The following LRP3 variants were observed in gnomAD, a reference collection of about 807,000 sequenced individuals.
LRP3 encodes low-density lipoprotein receptor-related protein 3.
LRP3 carries 49 observed loss-of-function variants against 58.5 expected under a neutral mutation model. The ratio of observed to expected loss-of-function variants is 0.84; its 90% CI spans 0.67 to 1.06. The LOEUF (loss-of-function observed/expected upper bound fraction) is 1.06, where lower values mean the gene tolerates loss of function less well. LRP3 is among the 50% of genes least tolerant of loss of function. LRP3 has a pLI of 0.00. For missense variants in LRP3, 1,019 were observed against 1,134.2 expected (o/e 0.90, Z 1.46); for synonymous variants, 485 against 492.2 (o/e 0.99, Z 0.20).
intron 1 of LRP3, among the ~76,000 whole-genome samples, chr19:33,195,424 C>T (rs1290169113): frequency 6.6e-6 from 1 of 152,184 alleles, no homozygotes; most frequent in Admixed American, 6.5e-5. Flanking sequence ...CGGTCAAGGC[C>T]AGGCATGGGG....
Position 33,202,898 on chromosome 19 carries a change from T to A in LRP3, c.172T>A (p.Tyr58Asn). The A allele has an allele frequency of 6.2e-7, 1 of 1,611,614 alleles. No individual in the cohort carries two copies. Among genetic ancestry groups the A allele is most frequent in the Non-Finnish European group, 8.5e-7 (1 of 1,179,094 alleles). The part of the protein sequence containing the change: ...EQHTERRGVI[Y>N]SPAWPLNYPP... ...GCACACGGAGCGGCGTGGGGTCATCTACAGCCCGGCCTGGCCCCTCAACTA... is the reference window on the plus strand; with the variant it reads ...GCACACGGAGCGGCGTGGGGTCATCAACAGCCCGGCCTGGCCCCTCAACTA... The change falls in exon 3 of 7, where the codon TAC becomes AAC. Residue 58 changes from tyrosine to asparagine, a missense_variant. Tyr to Asn is a moderately radical substitution (Grantham distance 143, BLOSUM62 -2). Around this residue, in one of 2 missense-constraint regions of LRP3, gnomAD observed 592 missense variants for 725.5 expected, o/e 0.82. Coordinates refer to ENST00000253193, the MANE Select transcript of LRP3 (RefSeq NM_002333.4).
rs1290082614 is a variant in LRP3, at chr19:33,208,000, C to T, written c.*425C>T. The T allele has an allele frequency of 1.0e-5, 2 of 193,876 alleles. No homozygotes were observed. Among genetic ancestry groups the T allele is most frequent in the South Asian group, 9.2e-5 (1 of 10,908 alleles). The allele number at this position is 193,876 out of a possible 1,614,324, so 12.0% of individuals were successfully genotyped here. On this transcript the variant is annotated 3_prime_UTR_variant, in exon 7 of 7. Transcript: ENST00000253193. ...ATCCGTGGTGACTATTTTGCTCACG[C>T]CTCACCCTCTTCCTGTCCAGCAAGG... is the stretch of plus-strand genomic sequence containing the variant.
chr19:33,207,817 G>A lies in LRP3; in HGVS notation c.*242G>A. ...TCCCATTGTACACAAGCACCCTGGGGTCTCACTTCTCTCCCCCCACTCCAT... is the reference window on the plus strand; with the variant it reads ...TCCCATTGTACACAAGCACCCTGGGATCTCACTTCTCTCCCCCCACTCCAT... On this transcript the variant is annotated 3_prime_UTR_variant, in exon 7 of 7. Coordinates refer to ENST00000253193, the MANE Select transcript of LRP3 (RefSeq NM_002333.4). 1 of 547,452 alleles carries A rather than the reference G, an allele frequency of 1.8e-6. No homozygotes were observed. The highest frequency in any genetic ancestry group is 3.2e-5 in the East Asian group (1 of 31,144). 33.9% of individuals were successfully genotyped at this position (547,452 alleles called of 1,614,324 possible).
chr19:33,201,232 G>C (rs2145451561), intron 2 of LRP3, among the ~76,000 whole-genome samples: 1 of 152,350 alleles, frequency 6.6e-6, no homozygotes, highest in South Asian at 2.1e-4. Context: ...GGGAGGGATG[G>C]AGGGTTGGAG....
At chr19:33,204,977 C>A in intron 4 of LRP3, 125 bp downstream of exon 4, 1 of 908,326 alleles carries the variant, frequency 1.1e-6, no homozygotes, top group South Asian at 1.6e-5. Flanking sequence ...CCCTGACCGC[C>A]CTGTCAATCT....
chr19:33,207,213 C>A lies in LRP3; in HGVS notation c.1951C>A (p.Pro651Thr). The change falls in exon 7 of 7, where the codon CCA (proline) becomes ACA (threonine). Residue 651 changes from proline (P) to threonine (T), a missense_variant. Transcript: ENST00000253193. ...TGCTCCAGGGGCTGCCCCCGACCCC[C>A]CAGCACCGCTCATGGACACAGGCAG... is the stretch of plus-strand genomic sequence containing the variant. ...QPAPGAAPDP[P>T]APLMDTGSTR... 6.4e-7 allele frequency: 1 copy of A among 1,560,410 alleles called. No homozygotes were observed. The highest frequency in any genetic ancestry group is 8.6e-7 in the Non-Finnish European group (1 of 1,158,914).
At position 33,205,535 on chromosome 19, in the gene LRP3, C is replaced by T. The variant is rs1356057889; in HGVS notation, c.765C>T (p.Gly255=). The change falls in exon 5 of 7, where the codon GGC becomes GGT. Residue 255 remains glycine (G), a synonymous_variant. Coordinates refer to ENST00000253193, the MANE Select transcript of LRP3 (RefSeq NM_002333.4). ...DEAGCPDLAC[G]RRLGSFYGSF... is the part of the protein sequence containing the mutation. ...CGGGCTGCCCCGACCTGGCGTGCGG[C>T]CGGCGGCTGGGCAGCTTCTACGGCT... 1 of 1,578,584 alleles carries T rather than the reference C, an allele frequency of 6.3e-7. No individual in the cohort carries two copies. The highest frequency in any genetic ancestry group is 8.6e-7 in the Non-Finnish European group (1 of 1,165,288).
chr19:33,208,246 A>G lies in LRP3; in HGVS notation c.*671A>G, dbSNP rs891846273. ...GGGACAGAGAGGCCGAGGCACCAAC[A>G]GCAGTGGCCACGTCTGTTCCATCCT... On this transcript the variant is annotated 3_prime_UTR_variant, in exon 7 of 7. Coordinates refer to ENST00000253193, the MANE Select transcript of LRP3 (RefSeq NM_002333.4). The surrounding 1 kb of genome is among the most constrained non-coding windows in gnomAD (Gnocchi z 4.7). 1 of 161,792 alleles carries G rather than the reference A, an allele frequency of 6.2e-6. No homozygotes were observed. The highest frequency in any genetic ancestry group is 1.4e-5 in the Non-Finnish European group (1 of 73,312). 10.0% of individuals were successfully genotyped at this position (161,792 alleles called of 1,614,324 possible).
chr19:33,204,915 C>T (rs555335750), intron 4 of LRP3, 63 bp downstream of exon 4: 66 of 1,502,598 alleles, frequency 4.4e-5, no homozygotes, highest in Non-Finnish European at 5.3e-5. Context: ...CACAGGCTCC[C>T]GGCCCACAGG....
chr19:33,198,937 G>A (rs1434733357), intron 2 of LRP3, among the ~76,000 whole-genome samples: 2 of 152,214 alleles, frequency 1.3e-5, no homozygotes, highest in Non-Finnish European at 2.9e-5. Flanking sequence ...AGGCCTTGCA[G>A]TGTCCTCTCA....
intron 5 of LRP3, 94 bp from the exon 6 acceptor site, chr19:33,206,507 T>G: frequency 6.3e-7 from 1 of 1,587,206 alleles, no homozygotes; most frequent in South Asian, 1.1e-5. Flanking sequence ...TATCTTGGGG[T>G]GTCTGGGTGG....
Position 33,207,224 on chromosome 19 carries a change from C to T in LRP3, c.1962C>T (p.Leu654=), listed in dbSNP as rs1296943143. 6.4e-7 allele frequency: 1 copy of T among 1,562,594 alleles called. No individual in the cohort carries two copies. The highest frequency in any genetic ancestry group is 2.3e-5 in the East Asian group (1 of 43,472). ...PGAAPDPPAP[L]MDTGSTRAAG... Reference sequence around the variant, plus strand: ...CTGCCCCCGACCCCCCAGCACCGCTCATGGACACAGGCAGCACCAGGGCGG... The same window carrying T: ...CTGCCCCCGACCCCCCAGCACCGCTTATGGACACAGGCAGCACCAGGGCGG... Residue 654 remains leucine (L), a synonymous_variant, in exon 7 of 7, where the codon CTC becomes CTT. Transcript: ENST00000253193.
At chr19:33,202,648 G>A (rs1210475039) in intron 2 of LRP3, among the ~76,000 whole-genome samples, 200 bp from the exon 3 acceptor site, 4 of 152,166 alleles carry the variant, frequency 2.6e-5, no homozygotes, top group African/African-American at 9.7e-5. Context: ...GCTGCCTCAA[G>A]TCTAGGGGGC....
At position 33,202,836 on chromosome 19, in the gene LRP3, C is replaced by G; in HGVS notation, c.122-12C>G. 3 of 1,602,008 alleles carry G rather than the reference C, an allele frequency of 1.9e-6. No individual in the cohort carries two copies. The highest frequency in any genetic ancestry group is 2.6e-6 in the Non-Finnish European group (3 of 1,173,608). ...AGATGGGCCGGCCTTTCTCGGCCTCCTCTCCCGACAGCGGCCTGCAGTGGG... is the reference window on the plus strand; with the variant it reads ...AGATGGGCCGGCCTTTCTCGGCCTCGTCTCCCGACAGCGGCCTGCAGTGGG... On this transcript the variant is annotated splice_polypyrimidine_tract_variant and intron_variant, in intron 2 of 6. Coordinates refer to ENST00000253193, the MANE Select transcript of LRP3 (RefSeq NM_002333.4).
chr19:33,202,789 C>T (rs1974354231), intron 2 of LRP3, 59 bp from the exon 3 acceptor site: 18 of 1,521,432 alleles, frequency 1.2e-5, no homozygotes, highest in Middle Eastern at 2.3e-4. Flanking sequence ...CTTCCCCCCA[C>T]TGCAACCCGC....
At position 33,207,238 on chromosome 19, in the gene LRP3, G is replaced by A. The variant is rs773283601; in HGVS notation, c.1976G>A (p.Ser659Asn). 1.2e-5 allele frequency: 18 copies of A among 1,558,680 alleles called. No individual in the cohort carries two copies. The Admixed American group carries it at 1.7e-4, about 15-fold the overall frequency. ...CCAGCACCGCTCATGGACACAGGCA[G>A]CACCAGGGCGGCCGGAGACAGGCCC... ...DPPAPLMDTGSTRAAGDRPPS... is the reference protein window; with the variant it reads ...DPPAPLMDTGNTRAAGDRPPS... Residue 659 changes from serine (S) to asparagine (N), a missense_variant, in exon 7 of 7, where the codon AGC becomes AAC. By Grantham distance (46) the Ser-to-Asn change is conservative (BLOSUM62 1). Coordinates refer to ENST00000253193, the MANE Select transcript of LRP3 (RefSeq NM_002333.4).
intron 3 of LRP3, among the ~76,000 whole-genome samples, chr19:33,203,562 G>T (rs1974367218): frequency 1.3e-5 from 2 of 152,232 alleles, no homozygotes; most frequent in Non-Finnish European, 1.5e-5. Flanking sequence ...ACGCAAGTGT[G>T]TCCAGTGCTC....
rs199999241 is a variant in LRP3, at chr19:33,205,315, C to G, written c.545C>G (p.Pro182Arg). The change falls in exon 5 of 7, where the codon CCG becomes CGG. Residue 182 changes from proline (P) to arginine (R), a missense_variant. Physicochemically the swap from Pro to Arg is moderately radical, Grantham distance 103 (BLOSUM62 -2). Around this residue, in one of 2 missense-constraint regions of LRP3, gnomAD observed 592 missense variants for 725.5 expected, o/e 0.82. Transcript: ENST00000253193. Reference protein sequence around the residue: ...RCDNGKCLPGPWQCNTVDECG... With the variant: ...RCDNGKCLPGRWQCNTVDECG... The stretch of plus-strand genomic sequence containing the variant: ...GACAACGGCAAGTGCCTGCCCGGCC[C>G]GTGGCAGTGCAACACGGTGGACGAG... The G allele has an allele frequency of 6.2e-7, 1 of 1,612,026 alleles. No individual in the cohort carries two copies.
intron 4 of LRP3, 150 bp downstream of exon 4, chr19:33,205,002 G>C: frequency 1.3e-6 from 1 of 788,912 alleles, no homozygotes; most frequent in Non-Finnish European, 2.0e-6. Context: ...ACAGTGGCAG[G>C]ACTGGGCATG....
Sources: gnomAD v4.1 joint callset for allele counts (sites outside exome capture counted in the v4.1 genomes callset) on GRCh38, gnomAD v4.1.1 for gene constraint, gnomAD v4.1.1 regional missense constraint, Gnocchi (gnomAD v3.1) non-coding constraint, MANE v1.5 for transcripts, NCBI Gene and HGNC (gene_info 2026-07-23, HGNC 2026-07-21) for gene names.